TIMP2: variants seen among roughly 807,000 people sequenced by gnomAD.
TIMP2 encodes the protein TIMP metallopeptidase inhibitor 2.
A neutral mutation model predicts 24.3 loss-of-function variants in TIMP2; 5 were observed. The ratio of observed to expected loss-of-function variants is 0.21; its 90% CI spans 0.11 to 0.43. The LOEUF is 0.43. TIMP2 is among the 20% of genes least tolerant of loss of function. The pLI is 1.00. For missense variants in TIMP2, 221 were observed against 297.5 expected (o/e 0.74, Z 1.89); for synonymous variants, 130 against 123.2 (o/e 1.06, Z -0.37).
At chr17:78,858,033 C>G (rs1344099551) in intron 3 of TIMP2, among the ~76,000 whole-genome samples, 2 of 151,898 alleles carry the variant, frequency 1.3e-5, no homozygotes, top group African/African-American at 4.8e-5. Context: ...GATCGCGCCA[C>G]TGAACTCCAG....
In TIMP2 at chr17:78,857,592, G is replaced by C. The variant is rs1488109108; in HGVS notation, c.395C>G (p.Pro132Arg). The change falls in exon 4 of 5, where the codon CCC (proline) becomes CGC (arginine). Residue 132 changes from proline (P) to arginine (R), a missense_variant. Coordinates refer to ENST00000262768, the MANE Select transcript of TIMP2 (RefSeq NM_003255.5). ...CTGGGTGGTGCTCAGGGTGTCCCAG[G>C]GCACGATGAAGTCACAGAGGGTGAT... The part of the protein sequence containing the change: ...MHITLCDFIV[P>R]WDTLSTTQKK... 1 of 1,614,046 alleles carries C rather than the reference G, an allele frequency of 6.2e-7. No individual in the cohort carries two copies. The highest frequency in any genetic ancestry group is 8.5e-7 in the Non-Finnish European group (1 of 1,180,026).
At chr17:78,876,129 G>C (rs2069725933) in intron 1 of TIMP2, among the ~76,000 whole-genome samples, 2 of 152,048 alleles carry the variant, frequency 1.3e-5, no homozygotes, top group African/African-American at 4.8e-5. Context: ...ACCGCAACCA[G>C]CTGTCTTTTT....
chr17:78,879,838 C>T (rs115890983), intron 1 of TIMP2, among the ~76,000 whole-genome samples: 2,362 of 151,998 alleles, frequency 0.016, 66 homozygotes, highest in African/African-American at 0.054. Flanking sequence ...CCCACCCCCA[C>T]CCCTCCAGCC....
At chr17:78,887,092 G>T (rs1461136939) in intron 1 of TIMP2, among the ~76,000 whole-genome samples, 2 of 152,154 alleles carry the variant, frequency 1.3e-5, no homozygotes, top group African/African-American at 4.8e-5. Flanking sequence ...AATGATTAAA[G>T]AACCCAAAAG....
At chr17:78,858,633 G>A (rs746828037) in intron 3 of TIMP2, among the ~76,000 whole-genome samples, 55 of 152,008 alleles carry the variant, frequency 3.6e-4, no homozygotes, top group South Asian at 8.3e-4. Context: ...CGATCCTCCC[G>A]TCTCAGTCTC....
intron 3 of TIMP2, among the ~76,000 whole-genome samples, chr17:78,868,008 G>A (rs1448720143): frequency 1.3e-5 from 2 of 152,106 alleles, no homozygotes; most frequent in African/African-American, 2.4e-5. Flanking sequence ...GCTCCATGAT[G>A]ACCAGAGCCA....
intron 1 of TIMP2, chr17:78,901,751 C>T (rs1388803556): frequency 1.4e-6 from 1 of 717,296 alleles, no homozygotes; most frequent in Non-Finnish European, 2.6e-6. Context: ...ACGAGAAGCA[C>T]CTGAAATGCT....
At chr17:78,915,889 C>A (rs1194713367) in intron 1 of TIMP2, among the ~76,000 whole-genome samples, 2 of 152,198 alleles carry the variant, frequency 1.3e-5, no homozygotes, top group Non-Finnish European at 2.9e-5. Context: ...CCTTAGTGGG[C>A]CTGTGCCTCC....
chr17:78,881,517 GC>G (rs2069780234), intron 1 of TIMP2, among the ~76,000 whole-genome samples: 1 of 152,270 alleles, frequency 6.6e-6, no homozygotes, highest in African/African-American at 2.4e-5. Context: ...CCAGGGGCCA[GC>G]CCTGGAGGAC....
chr17:78,901,345 G>C (rs1256592552), intron 1 of TIMP2: 1 of 190,972 alleles, frequency 5.2e-6, no homozygotes, highest in Admixed American at 5.3e-5. Context: ...AACCTGTCCA[G>C]AACTGTTCAA....
intron 1 of TIMP2, among the ~76,000 whole-genome samples, chr17:78,887,592 C>T (rs1450696123): frequency 2.0e-5 from 3 of 152,122 alleles, no homozygotes. Flanking sequence ...ACCCTGTTGG[C>T]CAGGCTGGCC....
In TIMP2 at chr17:78,893,447, CTGTGTGTGCAGGGG is replaced by C. The variant is rs1439224749; in HGVS notation, c.131-19542_131-19529del. Among the ~76,000 whole-genome samples, 12 of 47,924 alleles carry C rather than the reference CTGTGTGTGCAGGGG, an allele frequency of 2.5e-4. No individual in the cohort carries two copies. In the South Asian group the frequency reaches 3.5e-3, roughly 14 times the overall value. 31.4% of individuals were successfully genotyped at this position (47,924 alleles called of 152,430 possible). On this transcript the variant is annotated intron_variant, in intron 1 of 4. Transcript: ENST00000262768. ...TGTGTGCAGGGGTGTGTGCGTGGGG[CTGTGTGTGCAGGGG>C]TGTGTGTGCATAGCGGTGTGTGTGC...
rs985021271 is a variant in TIMP2 at position 78,924,298 on chromosome 17, G to T, written c.130+661C>A. On this transcript the variant is annotated intron_variant, in intron 1 of 4. Coordinates refer to ENST00000262768, the MANE Select transcript of TIMP2 (RefSeq NM_003255.5). The surrounding 1 kb of genome is among the most constrained non-coding windows in gnomAD (Gnocchi z 5.3). ...GCTTTTGTGGACGTCCCGAAAAAGC[G>T]GAACATTCGGGGGTCCCGGTCCCTG... Among the ~76,000 whole-genome samples, 1 of 152,194 alleles carries T rather than the reference G, an allele frequency of 6.6e-6. No homozygotes were observed. The highest frequency in any genetic ancestry group is 2.4e-5 in the African/African-American group (1 of 41,464).
rs1555652473 is a variant in TIMP2, at chr17:78,911,895, A to ACAC, written c.130+13063_130+13064insGTG. Reference sequence around the variant, plus strand: ...ACCCTATCTCTACTAAAAACACACCAAAAAAAAAAAAAAAAAAATTGAACT... The same window carrying ACAC: ...ACCCTATCTCTACTAAAAACACACCACACAAAAAAAAAAAAAAAAAATTGAACT... On this transcript the variant is annotated intron_variant, in intron 1 of 4. Transcript: ENST00000262768. 7.5e-3 allele frequency among the ~76,000 whole-genome samples: 381 copies of ACAC among 50,968 alleles called. 2 individuals are homozygous for ACAC. The highest frequency in any genetic ancestry group is 0.024 in the African/African-American group (235 of 9,904). 33.4% of individuals were successfully genotyped at this position (50,968 alleles called of 152,430 possible).
At chr17:78,885,308 C>A (rs1423379425) in intron 1 of TIMP2, among the ~76,000 whole-genome samples, 1 of 152,252 alleles carries the variant, frequency 6.6e-6, no homozygotes, top group Non-Finnish European at 1.5e-5. Context: ...CAAACCAGAG[C>A]AGAGCTCTAG....
At chr17:78,918,070 A>ACACGCGCACACACACACT (rs1555652961) in intron 1 of TIMP2, among the ~76,000 whole-genome samples, 1 of 133,050 alleles carries the variant, frequency 7.5e-6, no homozygotes, top group Non-Finnish European at 1.6e-5. Context: ...ACACAAACAC[A>ACACGCGCACACACACACT]CACACACACA....
At chr17:78,913,627 C>T (rs1226746229) in intron 1 of TIMP2, among the ~76,000 whole-genome samples, 1 of 152,092 alleles carries the variant, frequency 6.6e-6, no homozygotes, top group African/African-American at 2.4e-5. Flanking sequence ...AGGAGGACTG[C>T]TTAAGCCCAG....
chr17:78,912,413 C>G lies in TIMP2; in HGVS notation c.130+12546G>C, dbSNP rs928649682. On this transcript the variant is annotated intron_variant, in intron 1 of 4. Coordinates refer to ENST00000262768, the MANE Select transcript of TIMP2 (RefSeq NM_003255.5). Reference sequence around the variant, plus strand: ...CTCCCGATTACAGATCAGAAAGGGCCAAATAAACTCTCAACCCAAGCCAGA... The same window carrying G: ...CTCCCGATTACAGATCAGAAAGGGCGAAATAAACTCTCAACCCAAGCCAGA... Among the ~76,000 whole-genome samples the G allele has an allele frequency of 3.3e-5, 5 of 152,104 alleles. No individual in the cohort carries two copies. In the East Asian group the frequency reaches 7.7e-4, roughly 23 times the overall value.
rs756949115 is a variant in TIMP2 at position 78,920,168 on chromosome 17, T to G, written c.130+4791A>C. On this transcript the variant is annotated intron_variant, in intron 1 of 4. Transcript: ENST00000262768. The surrounding 1 kb of genome is among the most constrained non-coding windows in gnomAD (Gnocchi z 4.5). ...AGACGGCTGCCCGCGCCTCTCAGTC[T>G]CCCAGGAGTCATCTATGCCCTGTTC... 1.7e-4 allele frequency among the ~76,000 whole-genome samples: 26 copies of G among 152,168 alleles called. No individual in the cohort carries two copies. Among genetic ancestry groups the G allele is most frequent in the Non-Finnish European group, 3.5e-4 (24 of 68,026 alleles).
Sources: gnomAD v4.1 joint callset for allele counts (sites outside exome capture counted in the v4.1 genomes callset) on GRCh38, gnomAD v4.1.1 for gene constraint, Gnocchi (gnomAD v3.1) non-coding constraint, MANE v1.5 for transcripts, NCBI Gene and HGNC (gene_info 2026-07-23, HGNC 2026-07-21) for gene names.